The following DOCK4 variants were observed in gnomAD, a reference collection of about 807,000 sequenced individuals.
DOCK4 encodes the protein dedicator of cytokinesis 4, also known as dedicator of cytokinesis protein 4.
A neutral mutation model predicts 268.1 loss-of-function variants in DOCK4; 97 were observed. The observed-to-expected ratio is 0.36, with a 90% confidence interval of 0.31 to 0.43. DOCK4 has a LOEUF of 0.43. DOCK4 is among the 20% of genes least tolerant of loss of function. DOCK4 has a pLI of 1.00. For missense variants in DOCK4, 2,145 were observed against 2,455.7 expected (o/e 0.87, Z 2.67); for synonymous variants, 954 against 887.2 (o/e 1.08, Z -1.34).
intron 1 of DOCK4, among the ~76,000 whole-genome samples, chr7:112,112,197 T>G (rs1811718271): frequency 6.6e-6 from 1 of 152,166 alleles, no homozygotes. Flanking sequence ...ATGAATGGCT[T>G]GGTGCCTTCA....
chr7:112,085,702 A>G lies in DOCK4; in HGVS notation c.38-81571T>C, dbSNP rs114362754. Among the ~76,000 whole-genome samples the G allele has an allele frequency of 8.2e-3, 1,247 of 152,270 alleles. 18 individuals carry two copies. Among genetic ancestry groups the G allele is most frequent in the African/African-American group, 0.029 (1,191 of 41,566 alleles). On this transcript the variant is annotated intron_variant, in intron 1 of 52. Coordinates refer to ENST00000428084, the MANE Select transcript of DOCK4 (RefSeq NM_001363540.2). ...AGATAAATAATGGATCTTGACAGTGATCATCAATGGATGCTAAATCCATCA... is the reference window on the plus strand; with the variant it reads ...AGATAAATAATGGATCTTGACAGTGGTCATCAATGGATGCTAAATCCATCA...
intron 42 of DOCK4, among the ~76,000 whole-genome samples, chr7:111,748,144 G>C (rs773200128): frequency 2.6e-5 from 4 of 152,170 alleles, no homozygotes; most frequent in Non-Finnish European, 4.4e-5. Flanking sequence ...TTGCCTTGAA[G>C]AGAAGGTCTG....
intron 47 of DOCK4, 82 bp from the exon 48 acceptor site, chr7:111,739,559 CTT>C (rs1563433465): frequency 1.6e-6 from 2 of 1,270,928 alleles, no homozygotes; most frequent in African/African-American, 3.0e-5. Context: ...AAATCATCAA[CTT>C]TTTTTCAAAT....
At chr7:112,073,527 GAAT>G (rs1221537152) in intron 1 of DOCK4, among the ~76,000 whole-genome samples, 2 of 151,682 alleles carry the variant, frequency 1.3e-5, no homozygotes, top group Admixed American at 6.6e-5. Context: ...CTTTATGGCT[GAAT>G]AATATTTCAT....
chr7:111,875,891 A>G (rs906487446), intron 17 of DOCK4, among the ~76,000 whole-genome samples: 8 of 152,236 alleles, frequency 5.3e-5, no homozygotes, highest in African/African-American at 1.9e-4. Context: ...GCTGCAATAA[A>G]TAAGTAATAC....
chr7:111,979,319 AGAGT>A (rs1304434951), intron 7 of DOCK4, among the ~76,000 whole-genome samples: 1 of 152,188 alleles, frequency 6.6e-6, no homozygotes, highest in Non-Finnish European at 1.5e-5. Flanking sequence ...GTAAAAGTGG[AGAGT>A]AAGTAAGTTG....
At chr7:111,898,124 G>T (rs1318870656) in intron 15 of DOCK4, among the ~76,000 whole-genome samples, 1 of 152,072 alleles carries the variant, frequency 6.6e-6, no homozygotes, top group Non-Finnish European at 1.5e-5. Context: ...TCCTCTCGTG[G>T]TTCTTCTCAA....
At chr7:112,098,503 TTATATA>T (rs915224453) in intron 1 of DOCK4, among the ~76,000 whole-genome samples, 1 of 150,094 alleles carries the variant, frequency 6.7e-6, no homozygotes, top group East Asian at 1.9e-4. Flanking sequence ...TATAGTTAAA[TTATATA>T]TATATAATTT....
intron 32 of DOCK4, 134 bp downstream of exon 32, chr7:111,788,528 A>C: frequency 1.5e-6 from 1 of 685,078 alleles, no homozygotes. Context: ...TTTATTTCAC[A>C]CTCCACAAAG....
At chr7:111,814,230 C>G (rs555539993) in intron 27 of DOCK4, among the ~76,000 whole-genome samples, 1 of 152,276 alleles carries the variant, frequency 6.6e-6, no homozygotes, top group East Asian at 1.9e-4. Context: ...TGGTGGATCC[C>G]AAACACACAA....
chr7:112,130,786 G>A (rs911101812), intron 1 of DOCK4, among the ~76,000 whole-genome samples: 1 of 152,166 alleles, frequency 6.6e-6, no homozygotes, highest in Admixed American at 6.5e-5. Flanking sequence ...CTACCAAAAG[G>A]AACCAATAAT....
At position 112,045,208 on chromosome 7, in the gene DOCK4, T is replaced by C. The variant is rs936086356; in HGVS notation, c.38-41077A>G. ...GCACACTCATCCTTTCTTATTTTTA[T>C]ATCTGCCTCTGTTTAGAACACTTTC... On this transcript the variant is annotated intron_variant, in intron 1 of 52. Coordinates refer to ENST00000428084, the MANE Select transcript of DOCK4 (RefSeq NM_001363540.2). 2.0e-5 allele frequency among the ~76,000 whole-genome samples: 3 copies of C among 152,276 alleles called. No individual in the cohort carries two copies. In the East Asian group the frequency reaches 5.8e-4, roughly 29 times the overall value.
chr7:111,987,562 C>T (rs539921344), intron 6 of DOCK4, among the ~76,000 whole-genome samples: 17 of 152,300 alleles, frequency 1.1e-4, no homozygotes, highest in African/African-American at 2.2e-4. Flanking sequence ...AATGGAGATT[C>T]GAGATAATCT....
chr7:111,985,660 A>G (rs1798996020), intron 6 of DOCK4, among the ~76,000 whole-genome samples: 1 of 152,190 alleles, frequency 6.6e-6, no homozygotes. Context: ...TTCAGATAGT[A>G]AAACAGTTTC....
chr7:112,066,175 C>A (rs886580068), intron 1 of DOCK4, among the ~76,000 whole-genome samples: 3 of 152,110 alleles, frequency 2.0e-5, no homozygotes, highest in African/African-American at 7.2e-5. Flanking sequence ...GGGCTGCACC[C>A]TCACCCACTG....
chr7:112,153,416 C>T (rs1032648654), intron 1 of DOCK4, among the ~76,000 whole-genome samples: 4 of 152,190 alleles, frequency 2.6e-5, no homozygotes, highest in Non-Finnish European at 4.4e-5. Context: ...CCAGCTGCTA[C>T]ACTTTACATT....
chr7:112,070,868 C>T (rs981393901), intron 1 of DOCK4, among the ~76,000 whole-genome samples: 4 of 152,112 alleles, frequency 2.6e-5, no homozygotes, highest in African/African-American at 7.2e-5. Flanking sequence ...CTCAGGTGAC[C>T]GTTTAAGAAT....
intron 1 of DOCK4, among the ~76,000 whole-genome samples, chr7:112,160,096 C>CT (rs1301937061): frequency 6.6e-6 from 1 of 151,972 alleles, no homozygotes; most frequent in Non-Finnish European, 1.5e-5. Flanking sequence ...ATATGAAACG[C>CT]TTCTGGTCCC....
intron 23 of DOCK4, chr7:111,863,016 C>T: frequency 4.3e-6 from 1 of 230,058 alleles, no homozygotes; most frequent in Non-Finnish European, 8.7e-6. Context: ...TAAAAAACAA[C>T]AATAATGCAA....
Sources: allele counts gnomAD v4.1 joint callset (sites outside exome capture counted in the v4.1 genomes callset), GRCh38; gene constraint gnomAD v4.1.1; transcripts MANE v1.5; gene names NCBI Gene and HGNC (gene_info 2026-07-23, HGNC 2026-07-21).